ALPK1: variants seen among roughly 807,000 people sequenced by gnomAD.
ALPK1 encodes the protein alpha-protein kinase 1.
Under a neutral mutation model 120.6 loss-of-function variants are expected in ALPK1, and 110 were observed. The ratio of observed to expected loss-of-function variants is 0.91; its 90% CI spans 0.78 to 1.07. ALPK1 has a LOEUF of 1.07. ALPK1 is among the 50% of genes least tolerant of loss of function. ALPK1 has a pLI of 0.00. For synonymous variants in ALPK1, 582 were observed against 560.3 expected, an observed-to-expected ratio of 1.04 and a Z score of -0.55; for missense variants, 1,498 against 1,483.9, an observed-to-expected ratio of 1.01 and a Z score of -0.16.
chr4:112,389,106 G>T (rs549333214), intron 4 of ALPK1, among the ~76,000 whole-genome samples: 32 of 150,464 alleles, frequency 2.1e-4, no homozygotes, highest in South Asian at 8.4e-4. Context: ...GTGCAATGGC[G>T]TGATCTCGGC....
intron 2 of ALPK1, among the ~76,000 whole-genome samples, chr4:112,329,738 T>A (rs1235371931): frequency 4.6e-5 from 7 of 152,186 alleles, no homozygotes; most frequent in Non-Finnish European, 1.0e-4. Context: ...CATTACCCCA[T>A]GGCACTGCTC....
intron 2 of ALPK1, among the ~76,000 whole-genome samples, chr4:112,367,621 C>T (rs1731215679): frequency 1.3e-5 from 2 of 152,028 alleles, no homozygotes; most frequent in Admixed American, 6.6e-5. Flanking sequence ...GAGGAGGGTC[C>T]CAGAACCATT....
intron 2 of ALPK1, among the ~76,000 whole-genome samples, chr4:112,336,839 G>A (rs1376507228): frequency 6.6e-6 from 1 of 152,028 alleles, no homozygotes; most frequent in Non-Finnish European, 1.5e-5. Context: ...AAAGAATTTG[G>A]TGGAACTAGA....
At position 112,393,354 on chromosome 4, in the gene ALPK1, A is replaced by AG. The variant is rs1457999841; in HGVS notation, c.276+10807dup. On this transcript the variant is annotated intron_variant, in intron 4 of 15. Transcript: ENST00000650871. ...CATTCCTTCATACTTAAATTTGGGG[A>AG]GGGGGTGTGGGGGAGTTGGAAAAAA... Among the ~76,000 whole-genome samples the AG allele has an allele frequency of 3.3e-5, 5 of 152,126 alleles. No homozygotes were observed. The South Asian group carries it at 1.0e-3, about 32-fold the overall frequency.
At chr4:112,410,811 T>G (rs1034192079) in intron 4 of ALPK1, 2 of 152,592 alleles carry the variant, frequency 1.3e-5, no homozygotes, top group Admixed American at 6.5e-5. Context: ...TTCATGCCGG[T>G]TTTCTTCTTT....
At chr4:112,326,321 G>A (rs1729115293) in intron 2 of ALPK1, among the ~76,000 whole-genome samples, 1 of 152,148 alleles carries the variant, frequency 6.6e-6, no homozygotes, top group African/African-American at 2.4e-5. Context: ...CGCTGCAACT[G>A]AGTTAGTTTC....
intron 2 of ALPK1, chr4:112,357,189 A>G: frequency 6.4e-7 from 1 of 1,551,914 alleles, no homozygotes; most frequent in Non-Finnish European, 8.8e-7. Flanking sequence ...CTGTTTGCTG[A>G]AGCCCAGAGC....
chr4:112,428,998 C>A (rs35133578), intron 9 of ALPK1, 151 bp from the exon 10 acceptor site: 155,869 of 705,246 alleles, frequency 0.22, 18,577 homozygotes, highest in Non-Finnish European at 0.25. Flanking sequence ...GGTCTTTAGA[C>A]CCACTTACTC....
chr4:112,353,889 A>G (rs1215934734), intron 2 of ALPK1, among the ~76,000 whole-genome samples: 2 of 151,234 alleles, frequency 1.3e-5, no homozygotes, highest in Non-Finnish European at 2.9e-5. Flanking sequence ...ATAAATAAAT[A>G]AATAAATAAA....
intron 4 of ALPK1, among the ~76,000 whole-genome samples, chr4:112,404,905 C>T (rs1033974741): frequency 1.3e-5 from 2 of 152,270 alleles, no homozygotes; most frequent in East Asian, 1.9e-4. Flanking sequence ...GTCTCCCTAC[C>T]GAAGCAGTAC....
chr4:112,349,044 A>T (rs914355057), intron 2 of ALPK1, among the ~76,000 whole-genome samples: 5 of 151,810 alleles, frequency 3.3e-5, no homozygotes, highest in Admixed American at 2.0e-4. Flanking sequence ...AGTTGGCTGG[A>T]TGCAGTTTTT....
chr4:112,359,484 A>C (rs1363990767), intron 2 of ALPK1: 1 of 276,986 alleles, frequency 3.6e-6, no homozygotes, highest in Non-Finnish European at 7.1e-6. Flanking sequence ...GCCGACATGC[A>C]CAGACCTGGC....
At chr4:112,355,194 T>C (rs945898467) in intron 2 of ALPK1, among the ~76,000 whole-genome samples, 11 of 152,282 alleles carry the variant, frequency 7.2e-5, no homozygotes, top group South Asian at 2.1e-4. Context: ...GGTGTATTTT[T>C]ATTAAATTTC....
At position 112,372,245 on chromosome 4, in the gene ALPK1, G is replaced by C. The variant is rs151155575; in HGVS notation, c.-100-5433G>C. On this transcript the variant is annotated intron_variant, in intron 2 of 15. Transcript: ENST00000650871. Reference sequence around the variant, plus strand: ...TTTTTTTCTTTTGAGATGGAGTCTTGCTCTGTCGCTCAGGCTGGAGTGCAG... The same window carrying C: ...TTTTTTTCTTTTGAGATGGAGTCTTCCTCTGTCGCTCAGGCTGGAGTGCAG... 6.1e-3 allele frequency among the ~76,000 whole-genome samples: 832 copies of C among 135,820 alleles called. 5 individuals carry two copies. The highest frequency in any genetic ancestry group is 0.016 in the South Asian group (66 of 4,174). 89.1% of individuals were successfully genotyped at this position (135,820 alleles called of 152,430 possible).
chr4:112,341,063 C>T (rs962476636), intron 2 of ALPK1, among the ~76,000 whole-genome samples: 3 of 152,198 alleles, frequency 2.0e-5, no homozygotes, highest in East Asian at 1.9e-4. Context: ...TTTCCCTACA[C>T]TCAACCAAGT....
At chr4:112,405,286 A>G (rs1017667637) in intron 4 of ALPK1, among the ~76,000 whole-genome samples, 3 of 152,186 alleles carry the variant, frequency 2.0e-5, no homozygotes, top group Admixed American at 1.3e-4. Flanking sequence ...AGGAGTGCCC[A>G]ACTGTAGTGA....
chr4:112,305,126 A>T (rs1056975059), intron 1 of ALPK1, among the ~76,000 whole-genome samples: 39 of 152,182 alleles, frequency 2.6e-4, no homozygotes, highest in Non-Finnish European at 5.0e-4. Flanking sequence ...TTTTGGTACC[A>T]GTACCATGCT....
intron 2 of ALPK1, among the ~76,000 whole-genome samples, chr4:112,323,352 C>T (rs913837133): frequency 5.3e-5 from 8 of 152,134 alleles, no homozygotes; most frequent in African/African-American, 1.4e-4. Flanking sequence ...TATATCTGAG[C>T]AGATTCAGTC....
chr4:112,421,453 T>A (rs914612643), intron 5 of ALPK1, among the ~76,000 whole-genome samples: 1 of 152,308 alleles, frequency 6.6e-6, no homozygotes, highest in East Asian at 1.9e-4. Context: ...ATCTTGACCC[T>A]AAGGTCACAT....
Sources: gnomAD v4.1 joint callset for allele counts (sites outside exome capture counted in the v4.1 genomes callset) on GRCh38, gnomAD v4.1.1 for gene constraint, MANE v1.5 for transcripts, NCBI Gene and HGNC (gene_info 2026-07-23, HGNC 2026-07-21) for gene names.